The following ARMC8 variants were observed in gnomAD, a reference collection of about 807,000 sequenced individuals.
ARMC8 encodes the protein armadillo repeat-containing protein 8.
A neutral mutation model predicts 99.3 loss-of-function variants in ARMC8; 20 were observed. That is an observed-to-expected ratio of 0.20 (90% CI 0.14 to 0.29). The LOEUF (loss-of-function observed/expected upper bound fraction) is 0.29. Among genes scored for constraint, ARMC8 ranks in the 10% least tolerant of loss-of-function variants. The pLI, the probability that ARMC8 is intolerant of heterozygous loss-of-function variation, is 1.00. For missense variants in ARMC8, 569 were observed against 809.5 expected (o/e 0.70, Z 3.60); for synonymous variants, 263 against 278.3 (o/e 0.95, Z 0.55).
chr3:138,241,980 A>C lies in ARMC8; in HGVS notation c.1035A>C (p.Lys345Asn). The C allele has an allele frequency of 6.2e-7, 1 of 1,613,496 alleles. No homozygotes were observed. The highest frequency in any genetic ancestry group is 8.5e-7 in the Non-Finnish European group (1 of 1,179,664). The change falls in exon 11 of 22, where the codon AAA (lysine) becomes AAC (asparagine). Residue 345 changes from lysine to asparagine, a missense_variant. Physicochemically the swap from Lys to Asn is moderately conservative, Grantham distance 94. This residue lies in a region of ARMC8 where 227 missense variants were observed against 417.9 expected (regional missense o/e 0.54). Transcript: ENST00000469044. ...PSSVSAITDI[K>N]RLDHDLKHAH... ...CAGTGAGTGCCATCACTGATATTAA[A>C]AGGGTATGTTATTTTCCTTTTTTAG...
intron 12 of ARMC8, among the ~76,000 whole-genome samples, chr3:138,247,940 A>G (rs1047618084): frequency 6.6e-6 from 1 of 152,262 alleles, no homozygotes; most frequent in African/African-American, 2.4e-5. Flanking sequence ...AGAAATGAAA[A>G]TGCAGAAATC....
intron 1 of ARMC8, among the ~76,000 whole-genome samples, chr3:138,196,357 G>A (rs1049915495): frequency 9.9e-5 from 15 of 152,118 alleles, no homozygotes; most frequent in African/African-American, 3.6e-4. Context: ...AAAAAAGGTT[G>A]AGTACCTAAA....
At chr3:138,293,121 G>A (rs1229987938) in intron 21 of ARMC8, among the ~76,000 whole-genome samples, 2 of 152,176 alleles carry the variant, frequency 1.3e-5, no homozygotes, top group African/African-American at 4.8e-5. Context: ...CTGTCAGGTT[G>A]TCTGCTCCAC....
chr3:138,231,004 A>G (rs1351618508), intron 6 of ARMC8, among the ~76,000 whole-genome samples: 1 of 152,204 alleles, frequency 6.6e-6, no homozygotes, highest in Non-Finnish European at 1.5e-5. Context: ...CACTGACAGA[A>G]TGGAAGATGT....
rs767890360 is a variant in ARMC8 at position 138,273,107 on chromosome 3, C to T, written c.1620C>T (p.Ser540=). The stretch of plus-strand genomic sequence containing the variant: ...TGGGACTTCTTAGAAATCTCCTCTC[C>T]ACTCGTCCTGTAAGTAAAATCACCC... ...KTLGLLRNLL[S]TRPHIDKIMS... The change falls in exon 17 of 22, where the codon TCC becomes TCT. Residue 540 remains serine, a synonymous_variant. Coordinates refer to ENST00000469044, the MANE Select transcript of ARMC8 (RefSeq NM_001363941.2). The T allele has an allele frequency of 2.2e-5, 35 of 1,603,838 alleles. No individual in the cohort carries two copies. Among genetic ancestry groups the T allele is most frequent in the East Asian group, 2.2e-5 (1 of 44,744 alleles).
rs190914005 is a variant in ARMC8, at chr3:138,231,781, G to T, written c.528+2771G>T. Among the ~76,000 whole-genome samples the T allele has an allele frequency of 3.7e-3, 543 of 144,896 alleles. 4 individuals carry two copies. The highest frequency in any genetic ancestry group is 5.7e-3 in the Non-Finnish European group (384 of 67,040). On this transcript the variant is annotated intron_variant, in intron 6 of 21. Transcript: ENST00000469044. Reference sequence around the variant, plus strand: ...CAACGTAGTGAGACCCCCCATCTCTGGGGGGGGAAAAAAAAAAGACCATGA... The same window carrying T: ...CAACGTAGTGAGACCCCCCATCTCTTGGGGGGGAAAAAAAAAAGACCATGA...
intron 18 of ARMC8, among the ~76,000 whole-genome samples, chr3:138,281,853 A>C (rs2049964301): frequency 6.6e-6 from 1 of 152,116 alleles, no homozygotes; most frequent in Admixed American, 6.5e-5. Flanking sequence ...AGAGTCTAAA[A>C]GTGTTTACCA....
intron 5 of ARMC8, chr3:138,228,570 A>C: frequency 2.6e-6 from 1 of 381,658 alleles, no homozygotes; most frequent in South Asian, 2.0e-5. Context: ...ACTATTTACT[A>C]GTGCATAACG....
intron 21 of ARMC8, 143 bp from the exon 22 acceptor site, chr3:138,295,716 G>C (rs2051422999): frequency 1.4e-6 from 1 of 733,520 alleles, no homozygotes; most frequent in East Asian, 2.8e-5. Flanking sequence ...TTCCCCTTAA[G>C]GTAGGTGCCC....
intron 1 of ARMC8, among the ~76,000 whole-genome samples, chr3:138,195,858 GAA>G (rs75048043): frequency 3.7e-5 from 4 of 107,904 alleles, no homozygotes; most frequent in Non-Finnish European, 4.0e-5. Context: ...TCATTTTGTT[GAA>G]AAAAAAAAAA....
At chr3:138,251,014 G>A (rs939854093) in intron 12 of ARMC8, among the ~76,000 whole-genome samples, 6 of 152,066 alleles carry the variant, frequency 3.9e-5, no homozygotes, top group Admixed American at 3.3e-4. Context: ...ATCCAGGCCC[G>A]GTGGCATGCA....
intron 14 of ARMC8, among the ~76,000 whole-genome samples, chr3:138,265,500 T>A (rs929874132): frequency 4.6e-5 from 7 of 152,186 alleles, no homozygotes; most frequent in African/African-American, 1.7e-4. Flanking sequence ...ACCAAAAACA[T>A]TTTATCACAG....
intron 1 of ARMC8, among the ~76,000 whole-genome samples, chr3:138,194,218 AT>A (rs1475567380): frequency 2.9e-5 from 4 of 139,274 alleles, no homozygotes; most frequent in South Asian, 2.3e-4. Flanking sequence ...AATTTTTTGT[AT>A]TTTTTAGTAG....
chr3:138,197,950 A>G (rs527982416), intron 1 of ARMC8, among the ~76,000 whole-genome samples: 4 of 152,336 alleles, frequency 2.6e-5, no homozygotes, highest in African/African-American at 9.6e-5. Context: ...TGAATGCTAA[A>G]TTACTTTCAG....
chr3:138,204,061 C>T (rs1189112201), intron 1 of ARMC8, among the ~76,000 whole-genome samples: 1 of 152,190 alleles, frequency 6.6e-6, no homozygotes, highest in Non-Finnish European at 1.5e-5. Flanking sequence ...TCTATTTTTA[C>T]TTTCCAAAAA....
chr3:138,271,790 T>TTTC (rs2048813953), intron 16 of ARMC8, among the ~76,000 whole-genome samples: 4 of 149,934 alleles, frequency 2.7e-5, no homozygotes, highest in African/African-American at 1.0e-4. Flanking sequence ...AAGATTTTTT[T>TTTC]TTTCTTTCTT....
chr3:138,286,530 T>C (rs183069654), intron 19 of ARMC8, among the ~76,000 whole-genome samples: 1 of 152,252 alleles, frequency 6.6e-6, no homozygotes, highest in Non-Finnish European at 1.5e-5. Context: ...TGGACCCTTT[T>C]CTCTTCTCTT....
chr3:138,202,341 T>C (rs945579326), intron 1 of ARMC8, among the ~76,000 whole-genome samples: 4 of 152,240 alleles, frequency 2.6e-5, no homozygotes, highest in Non-Finnish European at 4.4e-5. Flanking sequence ...AACTAGAACA[T>C]ACTAAACAAG....
chr3:138,267,308 T>TAAAA, intron 15 of ARMC8, 67 bp downstream of exon 15: 3 of 961,960 alleles, frequency 3.1e-6, no homozygotes, highest in Non-Finnish European at 4.6e-6. Flanking sequence ...ATACTTTTTA[T>TAAAA]AGTAGTTGAC....
Sources: allele counts gnomAD v4.1 joint callset (sites outside exome capture counted in the v4.1 genomes callset), GRCh38; gene constraint gnomAD v4.1.1; regional missense constraint gnomAD v4.1.1; transcripts MANE v1.5; gene names NCBI Gene and HGNC (gene_info 2026-07-23, HGNC 2026-07-21).